The following PTPRE variants were observed in gnomAD, a reference collection of about 807,000 sequenced individuals.
PTPRE encodes receptor-type tyrosine-protein phosphatase epsilon.
A neutral mutation model predicts 102.0 loss-of-function variants in PTPRE; 51 were observed. That is an observed-to-expected ratio of 0.50 (90% CI 0.40 to 0.63). The LOEUF (loss-of-function observed/expected upper bound fraction) is 0.63. PTPRE is among the 30% of genes least tolerant of loss of function. The pLI, the probability that PTPRE is intolerant of heterozygous loss-of-function variation, is 0.00. For missense variants in PTPRE, 752 were observed against 915.1 expected (o/e 0.82, Z 2.30); for synonymous variants, 345 against 348.2 (o/e 0.99, Z 0.10).
intron 16 of PTPRE, chr10:128,072,794 T>C (rs1850898339): frequency 6.5e-6 from 1 of 153,354 alleles, no homozygotes; most frequent in South Asian, 2.0e-4. Context: ...TACACACCAA[T>C]TATATATCCA....
intron 2 of PTPRE, chr10:127,998,272 A>G (rs1294203846): frequency 6.6e-6 from 1 of 152,250 alleles, no homozygotes; most frequent in Non-Finnish European, 1.5e-5. Flanking sequence ...ACTTAACGTC[A>G]TCATCGAAGT....
Position 128,070,880 on chromosome 10 carries a change from A to G in PTPRE, c.1366A>G (p.Arg456Gly), listed in dbSNP as rs761307196. Residue 456 changes from arginine to glycine, a missense_variant, in exon 15 of 21, where the codon AGG becomes GGG. Arg to Gly is a moderately radical substitution (Grantham distance 125, BLOSUM62 -2). This residue lies in a region of PTPRE where 636 missense variants were observed against 824.4 expected (regional missense o/e 0.77). Coordinates refer to ENST00000254667, the MANE Select transcript of PTPRE (RefSeq NM_006504.6). The surrounding 1 kb of genome is among the most constrained non-coding windows in gnomAD (Gnocchi z 4.8). ...CTTGCCGGCAAACATGAAGAAGGCCAGGGTCATCCAGATCATCCCGTGTAA... is the reference window on the plus strand; with the variant it reads ...CTTGCCGGCAAACATGAAGAAGGCCGGGGTCATCCAGATCATCCCGTGTAA... Reference protein sequence around the residue: ...GNLPANMKKARVIQIIPYDFN... With the variant: ...GNLPANMKKAGVIQIIPYDFN... 1.9e-6 allele frequency: 3 copies of G among 1,614,052 alleles called. No homozygotes were observed. Among genetic ancestry groups the G allele is most frequent in the Non-Finnish European group, 1.7e-6 (2 of 1,179,868 alleles).
chr10:127,950,150 G>A (rs1284114715), intron 1 of PTPRE, among the ~76,000 whole-genome samples: 1 of 151,920 alleles, frequency 6.6e-6, no homozygotes, highest in Admixed American at 6.6e-5. Flanking sequence ...AACTACTTTG[G>A]TTTTCTAATT....
rs546458768 is a variant in PTPRE, at chr10:128,006,242, G to T, written c.-8+23946G>T. Among the ~76,000 whole-genome samples, 3 of 152,262 alleles carry T rather than the reference G, an allele frequency of 2.0e-5. No homozygotes were observed. The South Asian group carries it at 6.2e-4, about 32-fold the overall frequency. Reference sequence around the variant, plus strand: ...CCACTGAGTTTCCCAAAACCAACCTGGTGCATCCACTTTCACTCTGAAGTT... The same window carrying T: ...CCACTGAGTTTCCCAAAACCAACCTTGTGCATCCACTTTCACTCTGAAGTT... On this transcript the variant is annotated intron_variant, in intron 2 of 20. Transcript: ENST00000254667.
At position 127,945,360 on chromosome 10, in the gene PTPRE, C is replaced by A. The variant is rs2135314719; in HGVS notation, c.-30-36914C>A. On this transcript the variant is annotated intron_variant, in intron 1 of 20. Coordinates refer to ENST00000254667, the MANE Select transcript of PTPRE (RefSeq NM_006504.6). ...AGGTAGAGGAGAAAAGGCCTCTGTG[C>A]CTGACCTCATATCTGAAGCCCAAGG... Among the ~76,000 whole-genome samples, 4 of 152,314 alleles carry A rather than the reference C, an allele frequency of 2.6e-5. No individual in the cohort carries two copies. In the South Asian group the frequency reaches 8.3e-4, roughly 32 times the overall value.
chr10:127,995,645 A>G (rs1564861247), intron 2 of PTPRE, among the ~76,000 whole-genome samples: 1 of 152,230 alleles, frequency 6.6e-6, no homozygotes, highest in Non-Finnish European at 1.5e-5. Context: ...CTGTTTTCCA[A>G]CGATGCTGCA....
chr10:128,037,616 G>A (rs1247667996), intron 2 of PTPRE, among the ~76,000 whole-genome samples: 2 of 152,182 alleles, frequency 1.3e-5, no homozygotes, highest in Admixed American at 1.3e-4. Flanking sequence ...GGAATAAAAA[G>A]ACAGATTTAT....
intron 1 of PTPRE, among the ~76,000 whole-genome samples, chr10:127,923,467 G>A (rs1196810906): frequency 1.4e-5 from 2 of 141,550 alleles, no homozygotes; most frequent in African/African-American, 5.4e-5. Flanking sequence ...GCAGTGGCAC[G>A]AACTCGGCTC....
Position 128,066,175 on chromosome 10 carries a change from G to A in PTPRE, c.824G>A (p.Arg275Gln), listed in dbSNP as rs1386298535. ...DCVVLVDYTI[R>Q]KFCIQPQLPD... ...GTGGTTTTGGTCGACTACACCATCC[G>A]GAAGTTCTGCATACAGCCAGTAAGC... The change falls in exon 11 of 21, where the codon CGG becomes CAG. Residue 275 changes from arginine (R) to glutamine (Q), a missense_variant. By Grantham distance (43) the Arg-to-Gln change is conservative. Transcript: ENST00000254667. 5.6e-6 allele frequency: 9 copies of A among 1,614,062 alleles called. No individual in the cohort carries two copies. The highest frequency in any genetic ancestry group is 2.2e-5 in the South Asian group (2 of 91,086).
intron 1 of PTPRE, among the ~76,000 whole-genome samples, chr10:127,931,492 A>G (rs567312488): frequency 1.3e-5 from 2 of 152,352 alleles, no homozygotes; most frequent in East Asian, 3.9e-4. Flanking sequence ...GGCCTGTGAT[A>G]GAATATTTCC....
chr10:127,923,499 G>A (rs1024563884), intron 1 of PTPRE, among the ~76,000 whole-genome samples: 15 of 150,942 alleles, frequency 9.9e-5, no homozygotes, highest in African/African-American at 3.7e-4. Context: ...TGCCTCCCAG[G>A]TTCAAGTGAT....
chr10:127,911,318 C>T (rs1019952907), intron 1 of PTPRE, among the ~76,000 whole-genome samples: 6 of 152,162 alleles, frequency 3.9e-5, no homozygotes, highest in Admixed American at 2.0e-4. Flanking sequence ...CTTCAATATG[C>T]ACCATTGACT....
intron 1 of PTPRE, among the ~76,000 whole-genome samples, chr10:127,969,238 G>A (rs1274480983): frequency 1.3e-5 from 2 of 152,210 alleles, no homozygotes; most frequent in Non-Finnish European, 1.5e-5. Flanking sequence ...TGATAAGAAC[G>A]TAAATGGAAA....
chr10:127,980,451 T>C (rs6482640), intron 1 of PTPRE, among the ~76,000 whole-genome samples: 66,137 of 151,844 alleles, frequency 0.44, 16,730 homozygotes, highest in African/African-American at 0.71. Flanking sequence ...ATTATGTCAT[T>C]TGAGAATAAA....
chr10:127,984,372 C>T (rs774018150), intron 2 of PTPRE, among the ~76,000 whole-genome samples: 2 of 152,236 alleles, frequency 1.3e-5, no homozygotes, highest in East Asian at 1.9e-4. Flanking sequence ...TGAGCCACCG[C>T]GCCTGGCCCT....
At chr10:128,032,491 C>T (rs184628993) in intron 2 of PTPRE, among the ~76,000 whole-genome samples, 45 of 152,156 alleles carry the variant, frequency 3.0e-4, no homozygotes, top group African/African-American at 1.0e-3. Context: ...TGACAGCCAC[C>T]GTCTTCTCTC....
At chr10:128,068,080 G>A in intron 11 of PTPRE, 43 bp from the exon 12 acceptor site, 1 of 1,580,136 alleles carries the variant, frequency 6.3e-7, no homozygotes, top group South Asian at 1.1e-5. Context: ...GGAGCAGGGG[G>A]AGGATTGTTT....
At chr10:128,071,259 C>G in intron 15 of PTPRE, 1 of 315,438 alleles carries the variant, frequency 3.2e-6, no homozygotes, top group Non-Finnish European at 6.0e-6. Context: ...CTCCCCAAGC[C>G]TGGGCAGAGG....
chr10:127,987,039 G>T (rs1252100235), intron 2 of PTPRE, among the ~76,000 whole-genome samples: 1 of 152,212 alleles, frequency 6.6e-6, no homozygotes, highest in East Asian at 1.9e-4. Flanking sequence ...TTGACAGTAA[G>T]TTGGAAGAAT....
Sources: allele counts gnomAD v4.1 joint callset (sites outside exome capture counted in the v4.1 genomes callset), GRCh38; gene constraint gnomAD v4.1.1; regional missense constraint gnomAD v4.1.1; non-coding constraint Gnocchi (gnomAD v3.1); transcripts MANE v1.5; gene names NCBI Gene and HGNC (gene_info 2026-07-23, HGNC 2026-07-21).